The following ADAMTS3 variants were observed in gnomAD, a reference collection of about 807,000 sequenced individuals.
ADAMTS3 encodes the protein ADAM metallopeptidase with thrombospondin type 1 motif 3.
ADAMTS3 carries 73 observed loss-of-function variants against 129.0 expected under a neutral mutation model. The observed-to-expected ratio is 0.57, with a 90% CI of 0.47 to 0.69. The LOEUF is 0.69. Among genes scored for constraint, ADAMTS3 ranks in the 30% least tolerant of loss-of-function variants. ADAMTS3 has a pLI of 0.00. For synonymous variants in ADAMTS3, 477 were observed against 510.8 expected (o/e 0.93, Z 0.89); for missense variants, 1,457 against 1,514.5 (o/e 0.96, Z 0.63).
intron 6 of ADAMTS3, among the ~76,000 whole-genome samples, chr4:72,322,783 C>T (rs568494076): frequency 6.6e-6 from 1 of 152,228 alleles, no homozygotes; most frequent in East Asian, 1.9e-4. Context: ...AATTATCTAC[C>T]TCTTTAGACA....
At chr4:72,394,599 A>C (rs774563703) in intron 4 of ADAMTS3, among the ~76,000 whole-genome samples, 6 of 152,248 alleles carry the variant, frequency 3.9e-5, no homozygotes, top group Non-Finnish European at 7.4e-5. Context: ...TGCAGCATAC[A>C]TTTCCTACCC....
chr4:72,307,170 A>G (rs528803888), intron 15 of ADAMTS3, among the ~76,000 whole-genome samples: 24 of 152,156 alleles, frequency 1.6e-4, no homozygotes, highest in Non-Finnish European at 2.9e-4. Flanking sequence ...ATAATAATAT[A>G]CACCTATGAA....
At position 72,433,847 on chromosome 4, in the gene ADAMTS3, AAACTGTGGAT is replaced by A. The variant is rs1410846477; in HGVS notation, c.505-18886_505-18877del. ...GCTGATCAATGATTTTGTTATTTTTAAACTGTGGATGTTTATCACAGGGATGTGAGTTGGA... is the reference window on the plus strand; with the variant it reads ...GCTGATCAATGATTTTGTTATTTTTAGTTTATCACAGGGATGTGAGTTGGA... On this transcript the variant is annotated intron_variant, in intron 3 of 21. Coordinates refer to ENST00000286657, the MANE Select transcript of ADAMTS3 (RefSeq NM_014243.3). Among the ~76,000 whole-genome samples, 4 of 151,898 alleles carry A rather than the reference AAACTGTGGAT, an allele frequency of 2.6e-5. No homozygotes were observed. The East Asian group carries it at 7.8e-4, about 30-fold the overall frequency.
chr4:72,306,109 A>G, intron 15 of ADAMTS3, 42 bp from the exon 16 acceptor site: 1 of 1,470,322 alleles, frequency 6.8e-7, no homozygotes, highest in Non-Finnish European at 9.3e-7. Context: ...AAAGAAGAAA[A>G]CAAAAGCAAC....
intron 13 of ADAMTS3, 139 bp from the exon 14 acceptor site, chr4:72,311,320 A>G (rs554296739): frequency 2.4e-4 from 177 of 752,990 alleles, no homozygotes; most frequent in Admixed American, 1.0e-3. Context: ...AAATAAAATA[A>G]GGAGTAAGGA....
chr4:72,451,030 A>G (rs1339396765), intron 3 of ADAMTS3, among the ~76,000 whole-genome samples: 1 of 146,756 alleles, frequency 6.8e-6, no homozygotes, highest in Admixed American at 7.0e-5. Flanking sequence ...TTTGCAACAG[A>G]TAAGAATATC....
chr4:72,349,726 CTT>C (rs755123320), intron 4 of ADAMTS3, among the ~76,000 whole-genome samples: 23 of 151,820 alleles, frequency 1.5e-4, no homozygotes, highest in Non-Finnish European at 2.8e-4. Flanking sequence ...CTTCATATCT[CTT>C]TGTTATGATG....
At chr4:72,319,778 G>T in intron 8 of ADAMTS3, 80 bp downstream of exon 8, 1 of 1,183,236 alleles carries the variant, frequency 8.5e-7, no homozygotes, top group Non-Finnish European at 1.2e-6. Flanking sequence ...CATGCATTCT[G>T]CCCAAAGAGG....
chr4:72,359,834 A>G (rs1474812862), intron 4 of ADAMTS3, among the ~76,000 whole-genome samples: 2 of 152,112 alleles, frequency 1.3e-5, no homozygotes, highest in East Asian at 1.9e-4. Context: ...GGTTTTAAAT[A>G]AACTAATATT....
intron 10 of ADAMTS3, among the ~76,000 whole-genome samples, chr4:72,318,023 C>T (rs1445348637): frequency 2.7e-5 from 4 of 148,524 alleles, no homozygotes; most frequent in South Asian, 2.1e-4. Flanking sequence ...AGTGAGACTC[C>T]GTCTCAAAAA....
chr4:72,474,027 A>G (rs754394472), intron 3 of ADAMTS3, among the ~76,000 whole-genome samples: 2 of 152,332 alleles, frequency 1.3e-5, no homozygotes, highest in Non-Finnish European at 2.9e-5. Flanking sequence ...ACAAACTTTT[A>G]TCTACACCTG....
rs184976678 is a variant in ADAMTS3 at position 72,534,469 on chromosome 4, T to C, written c.504+14009A>G. On this transcript the variant is annotated intron_variant, in intron 3 of 21. Coordinates refer to ENST00000286657, the MANE Select transcript of ADAMTS3 (RefSeq NM_014243.3). ...GAAGATCTGAGAATGAATGTCATTGTTTCATAAGACTGGACAAAATGGTAC... is the reference window on the plus strand; with the variant it reads ...GAAGATCTGAGAATGAATGTCATTGCTTCATAAGACTGGACAAAATGGTAC... Among the ~76,000 whole-genome samples, 232 of 152,376 alleles carry C rather than the reference T, an allele frequency of 1.5e-3. 3 individuals carry two copies. The highest frequency in any genetic ancestry group is 5.4e-3 in the African/African-American group (225 of 41,596).
At chr4:72,304,791 T>C (rs1719042077) in intron 16 of ADAMTS3, among the ~76,000 whole-genome samples, 1 of 152,112 alleles carries the variant, frequency 6.6e-6, no homozygotes, top group Admixed American at 6.6e-5. Flanking sequence ...AAATTTCATG[T>C]TACTACAATT....
At chr4:72,426,860 C>T (rs926652897) in intron 3 of ADAMTS3, among the ~76,000 whole-genome samples, 6 of 152,012 alleles carry the variant, frequency 3.9e-5, no homozygotes, top group African/African-American at 1.4e-4. Flanking sequence ...CACCACTGCA[C>T]ACCAGTCTGG....
At chr4:72,550,308 T>C (rs1721615015) in intron 2 of ADAMTS3, among the ~76,000 whole-genome samples, 1 of 152,172 alleles carries the variant, frequency 6.6e-6, no homozygotes, top group Non-Finnish European at 1.5e-5. Flanking sequence ...TAAATGAACC[T>C]ACGTCTTATG....
At chr4:72,471,263 T>A (rs1719065149) in intron 3 of ADAMTS3, among the ~76,000 whole-genome samples, 1 of 152,162 alleles carries the variant, frequency 6.6e-6, no homozygotes, top group Admixed American at 6.5e-5. Flanking sequence ...CTCTCAACAT[T>A]TAAAGACTTT....
At chr4:72,362,722 T>A (rs138492934) in intron 4 of ADAMTS3, among the ~76,000 whole-genome samples, 85 of 152,268 alleles carry the variant, frequency 5.6e-4, no homozygotes, top group African/African-American at 1.9e-3. Flanking sequence ...ACCTTAATCA[T>A]GATCACTGCC....
intron 4 of ADAMTS3, among the ~76,000 whole-genome samples, chr4:72,346,124 A>G (rs1212323831): frequency 2.0e-5 from 3 of 152,140 alleles, no homozygotes; most frequent in Admixed American, 6.6e-5. Context: ...CAAAATGGTT[A>G]CACCAATTCT....
intron 4 of ADAMTS3, among the ~76,000 whole-genome samples, chr4:72,374,542 A>G (rs953718237): frequency 6.6e-6 from 1 of 152,208 alleles, no homozygotes; most frequent in African/African-American, 2.4e-5. Flanking sequence ...GTCACTAATT[A>G]TTAACTAGTC....
Sources: gnomAD v4.1 joint callset for allele counts (sites outside exome capture counted in the v4.1 genomes callset) on GRCh38, gnomAD v4.1.1 for gene constraint, MANE v1.5 for transcripts, NCBI Gene and HGNC (gene_info 2026-07-23, HGNC 2026-07-21) for gene names.